EGLN1: variants seen among roughly 807,000 people sequenced by gnomAD.
EGLN1 encodes egl nine homolog 1.
In EGLN1, 17 loss-of-function variants were observed where a neutral mutation model predicts 38.3. That is an observed-to-expected ratio of 0.44 (90% CI 0.30 to 0.67). The LOEUF (loss-of-function observed/expected upper bound fraction) is 0.67. Among genes scored for constraint, EGLN1 ranks in the 30% least tolerant of loss-of-function variants. EGLN1 has a pLI of 0.08. For synonymous variants in EGLN1, 283 were observed against 257.5 expected, an observed-to-expected ratio of 1.10 and a Z score of -0.95; for missense variants, 477 against 603.3, an observed-to-expected ratio of 0.79 and a Z score of 2.19.
intron 1 of EGLN1, 150 bp downstream of exon 1, chr1:231,420,848 G>A: frequency 6.7e-7 from 1 of 1,496,928 alleles, no homozygotes; most frequent in Non-Finnish European, 9.2e-7. Flanking sequence ...TACAAATTCT[G>A]TCCGTCTTCC....
chr1:231,387,108 C>T (rs563217588), intron 1 of EGLN1, among the ~76,000 whole-genome samples: 13 of 151,970 alleles, frequency 8.6e-5, no homozygotes, highest in African/African-American at 3.1e-4. Flanking sequence ...ATCCTCCTGC[C>T]TCAGCCTCCC....
At chr1:231,382,422 C>T (rs921363750) in intron 1 of EGLN1, among the ~76,000 whole-genome samples, 1 of 152,124 alleles carries the variant, frequency 6.6e-6, no homozygotes, top group Non-Finnish European at 1.5e-5. Context: ...ATCAAAAACC[C>T]TACTCCAGTG....
intron 1 of EGLN1, among the ~76,000 whole-genome samples, chr1:231,394,580 G>A (rs536171934): frequency 1.2e-3 from 177 of 148,882 alleles, no homozygotes; most frequent in Non-Finnish European, 1.9e-3. Context: ...TAGTAGAGAC[G>A]GGGTTTCACC....
rs530948024 is a variant in EGLN1, at chr1:231,377,727, G to A, written c.892-3628C>T. 2.9e-4 allele frequency among the ~76,000 whole-genome samples: 44 copies of A among 152,262 alleles called. 1 individual carries two copies. The highest frequency in any genetic ancestry group is 2.3e-3 in the Admixed American group (35 of 15,288). On this transcript the variant is annotated intron_variant, in intron 1 of 4. Coordinates refer to ENST00000366641, the MANE Select transcript of EGLN1 (RefSeq NM_022051.3). Reference sequence around the variant, plus strand: ...TATTCACTTCTAAACTCTTTCCTTAGAGCCCTGGAGCCCTAGGGAGGTATC... The same window carrying A: ...TATTCACTTCTAAACTCTTTCCTTAAAGCCCTGGAGCCCTAGGGAGGTATC...
At chr1:231,387,377 T>G (rs1572030529) in intron 1 of EGLN1, among the ~76,000 whole-genome samples, 2 of 148,186 alleles carry the variant, frequency 1.3e-5, no homozygotes, top group Admixed American at 6.6e-5. Context: ...TTTTTTTTTT[T>G]GTGACGGCGT....
chr1:231,403,673 G>A (rs1453459044), intron 1 of EGLN1, among the ~76,000 whole-genome samples: 6 of 150,956 alleles, frequency 4.0e-5, no homozygotes. Flanking sequence ...CTACTTGGGA[G>A]GCTGAGGCAG....
At chr1:231,417,984 G>A (rs754166666) in intron 1 of EGLN1, among the ~76,000 whole-genome samples, 1 of 152,118 alleles carries the variant, frequency 6.6e-6, no homozygotes, top group Non-Finnish European at 1.5e-5. Flanking sequence ...AACTTTTCCT[G>A]AGTCCCACTT....
intron 3 of EGLN1, among the ~76,000 whole-genome samples, chr1:231,369,228 C>T (rs1386354562): frequency 2.0e-5 from 3 of 152,162 alleles, no homozygotes; most frequent in Admixed American, 2.0e-4. Flanking sequence ...GCCAGCTGAG[C>T]CTCTCCCTTC....
intron 1 of EGLN1, among the ~76,000 whole-genome samples, chr1:231,415,269 T>A (rs1173544712): frequency 1.6e-4 from 18 of 110,714 alleles, no homozygotes; most frequent in Non-Finnish European, 2.4e-4. Flanking sequence ...GCCCTGTCCT[T>A]TAAAAAAAAA....
At chr1:231,414,042 G>T (rs964069753) in intron 1 of EGLN1, among the ~76,000 whole-genome samples, 1 of 152,202 alleles carries the variant, frequency 6.6e-6, no homozygotes, top group Non-Finnish European at 1.5e-5. Flanking sequence ...TGTAAGAGAA[G>T]ATTTTGGTTA....
intron 1 of EGLN1, among the ~76,000 whole-genome samples, chr1:231,420,796 G>A (rs532324238): frequency 6.6e-6 from 1 of 152,234 alleles, no homozygotes; most frequent in Non-Finnish European, 1.5e-5. Flanking sequence ...GCAGTAAGTG[G>A]AAAACAGTGG....
chr1:231,412,549 T>C (rs752554899), intron 1 of EGLN1, among the ~76,000 whole-genome samples: 11 of 152,204 alleles, frequency 7.2e-5, no homozygotes, highest in South Asian at 2.1e-4. Context: ...GACATACTTA[T>C]AGACAACACT....
At chr1:231,412,286 G>T (rs1217178479) in intron 1 of EGLN1, among the ~76,000 whole-genome samples, 3 of 152,120 alleles carry the variant, frequency 2.0e-5, no homozygotes, top group Non-Finnish European at 4.4e-5. Flanking sequence ...TGATAAGTCA[G>T]TGGAACTATT....
intron 1 of EGLN1, among the ~76,000 whole-genome samples, chr1:231,380,315 CA>C (rs35280417): frequency 0.036 from 3,625 of 101,784 alleles, 110 homozygotes; most frequent in African/African-American, 0.13. Context: ...GACTCCGTCT[CA>C]AAAAAAAAAA....
intron 2 of EGLN1, among the ~76,000 whole-genome samples, chr1:231,371,960 G>C (rs1162175412): frequency 6.6e-6 from 1 of 152,152 alleles, no homozygotes; most frequent in Non-Finnish European, 1.5e-5. Context: ...ACCTTCCTCA[G>C]GTTCCAGTGT....
chr1:231,376,164 TCA>T (rs1375914447), intron 1 of EGLN1, among the ~76,000 whole-genome samples: 1 of 152,242 alleles, frequency 6.6e-6, no homozygotes, highest in East Asian at 1.9e-4. Flanking sequence ...TTCTGTGATT[TCA>T]GTTACCTTTG....
At position 231,421,563 on chromosome 1, in the gene EGLN1, T is replaced by C; in HGVS notation, c.326A>G (p.Lys109Arg). ...RRDNASGDAA[K>R]GKVKAKPPAD... ...CGGGGGCTTGGCCTTTACTTTTCCCTTGGCCGCGTCCCCGGAGGCGTTGTC... is the reference window on the plus strand; with the variant it reads ...CGGGGGCTTGGCCTTTACTTTTCCCCTGGCCGCGTCCCCGGAGGCGTTGTC... Residue 109 changes from lysine to arginine, a missense_variant, in exon 1 of 5, where the codon AAG (lysine) becomes AGG (arginine). By Grantham distance (26) the Lys-to-Arg change is conservative. This residue lies in a region of EGLN1 where 298 missense variants were observed against 288.9 expected (regional missense o/e 1.03). Coordinates refer to ENST00000366641, the MANE Select transcript of EGLN1 (RefSeq NM_022051.3). The surrounding 1 kb of genome is among the most constrained non-coding windows in gnomAD (Gnocchi z 5.5). 7.6e-7 allele frequency: 1 copy of C among 1,309,092 alleles called. No individual in the cohort carries two copies. Among genetic ancestry groups the C allele is most frequent in the Non-Finnish European group, 9.7e-7 (1 of 1,035,338 alleles). 81.1% of individuals were successfully genotyped at this position (1,309,092 alleles called of 1,614,324 possible).
At chr1:231,406,894 T>C (rs1453303617) in intron 1 of EGLN1, among the ~76,000 whole-genome samples, 1 of 152,188 alleles carries the variant, frequency 6.6e-6, no homozygotes, top group Non-Finnish European at 1.5e-5. Flanking sequence ...GGTGTTATTT[T>C]ATTATCACAC....
chr1:231,370,367 C>T (rs1022037364), intron 3 of EGLN1, among the ~76,000 whole-genome samples, 195 bp downstream of exon 3: 1 of 152,206 alleles, frequency 6.6e-6, no homozygotes, highest in African/African-American at 2.4e-5. Context: ...TTAGTACTAA[C>T]TGTTAATGAG....
Sources: allele counts gnomAD v4.1 joint callset (sites outside exome capture counted in the v4.1 genomes callset), GRCh38; gene constraint gnomAD v4.1.1; regional missense constraint gnomAD v4.1.1; non-coding constraint Gnocchi (gnomAD v3.1); transcripts MANE v1.5; gene names NCBI Gene and HGNC (gene_info 2026-07-23, HGNC 2026-07-21).